The following PHLPP1 variants were observed in gnomAD, a reference collection of about 807,000 sequenced individuals.
PHLPP1 encodes PH domain leucine-rich repeat-containing protein phosphatase 1.
PHLPP1 carries 42 observed loss-of-function variants against 117.2 expected under a neutral mutation model. The observed-to-expected ratio is 0.36, with a 90% CI of 0.28 to 0.46. The LOEUF (loss-of-function observed/expected upper bound fraction) is 0.46, where lower values mean the gene tolerates loss of function less well. Among genes scored for constraint, PHLPP1 ranks in the 20% least tolerant of loss-of-function variants. The pLI is 1.00. For missense variants in PHLPP1, 2,084 were observed against 2,241.9 expected (o/e 0.93, Z 1.42); for synonymous variants, 1,042 against 970.7 (o/e 1.07, Z -1.37).
intron 3 of PHLPP1, among the ~76,000 whole-genome samples, chr18:62,857,618 A>G (rs1915532259): frequency 6.6e-6 from 1 of 152,100 alleles, no homozygotes; most frequent in African/African-American, 2.4e-5. Context: ...AGGAGAAAGG[A>G]TTTGGGGCAA....
intron 3 of PHLPP1, among the ~76,000 whole-genome samples, chr18:62,853,093 C>T (rs753146386): frequency 1.1e-4 from 16 of 152,148 alleles, no homozygotes; most frequent in Non-Finnish European, 2.1e-4. Flanking sequence ...TGTGGCCACC[C>T]ATTGAGTCAT....
At chr18:62,901,568 C>A (rs1916725081) in intron 6 of PHLPP1, among the ~76,000 whole-genome samples, 1 of 151,716 alleles carries the variant, frequency 6.6e-6, no homozygotes, top group African/African-American at 2.4e-5. Context: ...GACAGAAATT[C>A]ACTATAGAGA....
chr18:62,767,385 A>G (rs1366562773), intron 1 of PHLPP1, among the ~76,000 whole-genome samples: 1 of 152,192 alleles, frequency 6.6e-6, no homozygotes, highest in African/African-American at 2.4e-5. Flanking sequence ...TCCTGCAACC[A>G]CTTGAGAAAG....
At chr18:62,772,888 G>GA (rs1250884408) in intron 1 of PHLPP1, among the ~76,000 whole-genome samples, 4 of 139,918 alleles carry the variant, frequency 2.9e-5, no homozygotes, top group Admixed American at 7.0e-5. Context: ...AGGTGTCCAA[G>GA]AAAAAAACAA....
intron 10 of PHLPP1, among the ~76,000 whole-genome samples, chr18:62,928,666 G>T (rs1909719227): frequency 7.9e-5 from 12 of 152,130 alleles, no homozygotes; most frequent in Admixed American, 7.9e-4. Context: ...ATACCCAAGA[G>T]AAATGAAAGC....
At position 62,717,068 on chromosome 18, in the gene PHLPP1, C is replaced by T. The variant is rs1910773704; in HGVS notation, c.1385C>T (p.Ala462Val). 1.3e-6 allele frequency: 2 copies of T among 1,544,040 alleles called. No individual in the cohort carries two copies. The highest frequency in any genetic ancestry group is 1.7e-6 in the Non-Finnish European group (2 of 1,143,964). ...AGGAGCGGGGTGACCGCGGAGAAGG[C>T]GCCTCCGCCGCCCCCGCCGCCCACC... is the stretch of plus-strand genomic sequence containing the variant. ...PGRSGVTAEKAPPPPPPPTLY... is the reference protein window; with the variant it reads ...PGRSGVTAEKVPPPPPPPTLY... Residue 462 changes from alanine (A) to valine (V), a missense_variant, in exon 1 of 17, where the codon GCG becomes GTG. Physicochemically the swap from Ala to Val is moderately conservative, Grantham distance 64. Coordinates refer to ENST00000262719, the MANE Select transcript of PHLPP1 (RefSeq NM_194449.4).
Position 62,917,396 on chromosome 18 carries a change from TTGTGTG to T in PHLPP1, c.2804+2422_2804+2427del, listed in dbSNP as rs34407573. On this transcript the variant is annotated intron_variant, in intron 9 of 16. Transcript: ENST00000262719. ...TGTTAAAGAATTTAAACAGTATTCT[TTGTGTG>T]TGTGTGTGTGTGTGTGTGTGTGTGT... 5.5e-3 allele frequency among the ~76,000 whole-genome samples: 780 copies of T among 141,488 alleles called. 8 individuals are homozygous for T. Among genetic ancestry groups the T allele is most frequent in the African/African-American group, 0.018 (679 of 37,752 alleles). 92.8% of individuals were successfully genotyped at this position (141,488 alleles called of 152,430 possible).
Position 62,979,056 on chromosome 18 carries a change from G to A in PHLPP1, c.4779G>A (p.Glu1593=). Residue 1593 remains glutamate (E), a synonymous_variant, in exon 17 of 17, where the codon GAG becomes GAA. Coordinates refer to ENST00000262719, the MANE Select transcript of PHLPP1 (RefSeq NM_194449.4). The part of the protein sequence containing the change: ...LLQVPAEASD[E]GIVISANEDE... ...AGGTGCCAGCAGAGGCCAGTGATGA[G>A]GGCATTGTCATCAGCGCCAACGAGG... is the stretch of plus-strand genomic sequence containing the variant. 2 of 1,613,780 alleles carry A rather than the reference G, an allele frequency of 1.2e-6. No homozygotes were observed. Among genetic ancestry groups the A allele is most frequent in the East Asian group, 2.2e-5 (1 of 44,872 alleles).
At chr18:62,853,082 G>A (rs1182047207) in intron 3 of PHLPP1, among the ~76,000 whole-genome samples, 5 of 152,186 alleles carry the variant, frequency 3.3e-5, no homozygotes, top group African/African-American at 1.2e-4. Flanking sequence ...TGTTAGAAAT[G>A]TGTGGCCACC....
intron 2 of PHLPP1, among the ~76,000 whole-genome samples, chr18:62,831,895 T>A (rs1233045140): frequency 6.6e-6 from 1 of 152,234 alleles, no homozygotes; most frequent in Non-Finnish European, 1.5e-5. Flanking sequence ...TGCGTTTAGA[T>A]TGATTTTAGT....
intron 8 of PHLPP1, among the ~76,000 whole-genome samples, chr18:62,906,548 C>CG (rs1465275944): frequency 1.6e-5 from 2 of 128,280 alleles, no homozygotes; most frequent in African/African-American, 3.0e-5. Flanking sequence ...GGGTGACGGA[C>CG]GCACCTGGAA....
intron 1 of PHLPP1, among the ~76,000 whole-genome samples, chr18:62,812,772 G>A (rs1482510113): frequency 6.6e-6 from 1 of 151,912 alleles, no homozygotes; most frequent in Non-Finnish European, 1.5e-5. Flanking sequence ...TGGGAAGGCG[G>A]TGATTAAAAT....
chr18:62,770,956 C>T lies in PHLPP1; in HGVS notation c.1576+53697C>T, dbSNP rs181215642. ...AAGATGGTCTGGGCGCGGTGGCTCA[C>T]GCCTGTAATCCCAACACTTTGGGAG... On this transcript the variant is annotated intron_variant, in intron 1 of 16. Transcript: ENST00000262719. Among the ~76,000 whole-genome samples, 25 of 152,250 alleles carry T rather than the reference C, an allele frequency of 1.6e-4. No homozygotes were observed. In the South Asian group the frequency reaches 2.5e-3, roughly 15 times the overall value.
chr18:62,809,916 T>C (rs1244134226), intron 1 of PHLPP1, among the ~76,000 whole-genome samples: 1 of 152,234 alleles, frequency 6.6e-6, no homozygotes, highest in African/African-American at 2.4e-5. Flanking sequence ...TTTATTTAAT[T>C]GGTGGATACT....
intron 1 of PHLPP1, among the ~76,000 whole-genome samples, chr18:62,821,070 A>C (rs1408242053): frequency 6.6e-6 from 1 of 152,206 alleles, no homozygotes; most frequent in Non-Finnish European, 1.5e-5. Context: ...ATGAAAAGTT[A>C]AAACACAATA....
At chr18:62,852,888 G>GGGA (rs1915394450) in intron 3 of PHLPP1, among the ~76,000 whole-genome samples, 1 of 152,214 alleles carries the variant, frequency 6.6e-6, no homozygotes, top group Non-Finnish European at 1.5e-5. Context: ...GAATGATGCA[G>GGGA]AGTACTGTCC....
In PHLPP1 at chr18:62,830,162, C is replaced by T. The variant is rs1263757317; in HGVS notation, c.1704C>T (p.Cys568=). ...TRRQVILCGT[C]LIVSSVKDSL... is the part of the protein sequence containing the mutation. ...GCCAAGTCATCCTATGTGGGACCTG[C>T]CTGATAGTATCATCTGTGAAAGACA... Residue 568 remains cysteine (C), a synonymous_variant, in exon 2 of 17, where the codon TGC becomes TGT. Transcript: ENST00000262719. The T allele has an allele frequency of 6.3e-7, 1 of 1,598,548 alleles. No individual in the cohort carries two copies. Among genetic ancestry groups the T allele is most frequent in the South Asian group, 1.1e-5 (1 of 88,632 alleles).
At chr18:62,950,961 T>G (rs1272567311) in intron 12 of PHLPP1, among the ~76,000 whole-genome samples, 3 of 151,842 alleles carry the variant, frequency 2.0e-5, no homozygotes, top group Non-Finnish European at 4.4e-5. Context: ...AAAATTGGTG[T>G]AATGAGTTAA....
intron 4 of PHLPP1, among the ~76,000 whole-genome samples, chr18:62,890,176 T>G (rs1916372492): frequency 6.6e-6 from 1 of 152,154 alleles, no homozygotes; most frequent in African/African-American, 2.4e-5. Flanking sequence ...ATTATCACTT[T>G]CACAATGTTC....
Sources: gnomAD v4.1 joint callset for allele counts (sites outside exome capture counted in the v4.1 genomes callset) on GRCh38, gnomAD v4.1.1 for gene constraint, MANE v1.5 for transcripts, NCBI Gene and HGNC (gene_info 2026-07-23, HGNC 2026-07-21) for gene names.